LEF1: variants seen among roughly 807,000 people sequenced by gnomAD.
LEF1 encodes the protein lymphoid enhancer-binding factor 1.
Under a neutral mutation model 51.2 loss-of-function variants are expected in LEF1, and 14 were observed. That is an observed-to-expected ratio of 0.27 (90% CI 0.18 to 0.43). The LOEUF is 0.43. Among genes scored for constraint, LEF1 ranks in the 20% least tolerant of loss-of-function variants. LEF1 has a pLI of 1.00. For missense variants in LEF1, 386 were observed against 512.0 expected, an observed-to-expected ratio of 0.75 and a Z score of 2.37; for synonymous variants, 185 against 183.2, an observed-to-expected ratio of 1.01 and a Z score of -0.08.
At chr4:108,111,914 A>C (rs1405977852) in intron 3 of LEF1, among the ~76,000 whole-genome samples, 6 of 152,196 alleles carry the variant, frequency 3.9e-5, no homozygotes, top group Admixed American at 3.9e-4. Context: ...TCAGGTTAAA[A>C]AGTAAAAGTA....
chr4:108,081,538 G>A (rs368011406), intron 6 of LEF1, 48 bp downstream of exon 6: 94 of 1,483,284 alleles, frequency 6.3e-5, no homozygotes, highest in Admixed American at 2.0e-4. Flanking sequence ...ATGCAAGCAC[G>A]AGAAGAGCAA....
intron 8 of LEF1, among the ~76,000 whole-genome samples, chr4:108,076,393 G>C (rs912248639): frequency 6.6e-6 from 1 of 152,138 alleles, no homozygotes; most frequent in Non-Finnish European, 1.5e-5. Context: ...TTTTGAGACA[G>C]AGTCTCTTTC....
chr4:108,073,080 T>G (rs1396279716), intron 8 of LEF1, among the ~76,000 whole-genome samples: 1 of 152,142 alleles, frequency 6.6e-6, no homozygotes, highest in East Asian at 1.9e-4. Flanking sequence ...ATCCTTGATT[T>G]TGTAAAAGAA....
chr4:108,142,290 T>C (rs1047831075), intron 3 of LEF1, among the ~76,000 whole-genome samples: 3 of 152,174 alleles, frequency 2.0e-5, no homozygotes, highest in Non-Finnish European at 4.4e-5. Flanking sequence ...ATTTGGGAAG[T>C]TGTAAATGCA....
At chr4:108,127,645 T>G (rs1742629514) in intron 3 of LEF1, among the ~76,000 whole-genome samples, 1 of 152,190 alleles carries the variant, frequency 6.6e-6, no homozygotes, top group Non-Finnish European at 1.5e-5. Context: ...TTTGGCAGAG[T>G]ATCTAGCCAT....
At chr4:108,088,565 T>C (rs527840889) in intron 4 of LEF1, among the ~76,000 whole-genome samples, 80 of 152,288 alleles carry the variant, frequency 5.3e-4, no homozygotes, top group African/African-American at 1.9e-3. Flanking sequence ...ATTTTTTCTA[T>C]AAACAAAGTA....
At chr4:108,082,596 T>C (rs3796999) in intron 5 of LEF1, among the ~76,000 whole-genome samples, 69,633 of 151,914 alleles carry the variant, frequency 0.46, 17,906 homozygotes, top group Middle Eastern at 0.68. Flanking sequence ...TTGAGAATTA[T>C]TTCTATGGAG....
intron 6 of LEF1, among the ~76,000 whole-genome samples, chr4:108,080,831 C>T (rs1381043582): frequency 6.6e-6 from 1 of 152,194 alleles, no homozygotes; most frequent in Non-Finnish European, 1.5e-5. Context: ...TAATAACCCA[C>T]CAGTTTGACT....
chr4:108,108,437 C>T (rs186944012), intron 3 of LEF1, among the ~76,000 whole-genome samples: 6 of 152,044 alleles, frequency 3.9e-5, no homozygotes, highest in South Asian at 2.1e-4. Flanking sequence ...AGAGATGCAG[C>T]GCTAATAATA....
At chr4:108,160,202 C>A (rs1426184019) in intron 3 of LEF1, among the ~76,000 whole-genome samples, 1 of 152,208 alleles carries the variant, frequency 6.6e-6, no homozygotes, top group Non-Finnish European at 1.5e-5. Flanking sequence ...GCCAAGCTCA[C>A]CATTCACACG....
At chr4:108,080,718 T>C (rs902519023) in intron 6 of LEF1, among the ~76,000 whole-genome samples, 1 of 152,156 alleles carries the variant, frequency 6.6e-6, no homozygotes, top group African/African-American at 2.4e-5. Flanking sequence ...CACAATCAGC[T>C]ACATTTACAA....
At chr4:108,067,608 C>T (rs1022126929) in intron 9 of LEF1, among the ~76,000 whole-genome samples, 1 of 151,534 alleles carries the variant, frequency 6.6e-6, no homozygotes, top group Non-Finnish European at 1.5e-5. Flanking sequence ...GGGCTCATTG[C>T]AACCTCTTCC....
chr4:108,112,138 G>T (rs1442997901), intron 3 of LEF1, among the ~76,000 whole-genome samples: 1 of 152,162 alleles, frequency 6.6e-6, no homozygotes, highest in Non-Finnish European at 1.5e-5. Context: ...TAGGATGTTG[G>T]GAGGTCAGGC....
intron 3 of LEF1, among the ~76,000 whole-genome samples, chr4:108,145,601 T>C (rs1743950046): frequency 6.6e-6 from 1 of 152,200 alleles, no homozygotes; most frequent in Admixed American, 6.5e-5. Flanking sequence ...CTCACTGTAC[T>C]GATCTAACCT....
chr4:108,166,555 A>T, intron 1 of LEF1: 1 of 1,251,536 alleles, frequency 8.0e-7, no homozygotes, highest in South Asian at 1.9e-5. Context: ...TCCGCCCCCT[A>T]GACCAGCTCT....
At position 108,160,173 on chromosome 4, in the gene LEF1, T is replaced by G. The variant is rs573326809; in HGVS notation, c.414+3395A>C. 7.9e-5 allele frequency among the ~76,000 whole-genome samples: 12 copies of G among 152,330 alleles called. No homozygotes were observed. In the South Asian group the frequency reaches 2.3e-3, roughly 29 times the overall value. Reference sequence around the variant, plus strand: ...CACAGTGCATTAGGCCAGTGGGAACTTTCACTACATTAAAGCTGGCCAAGC... The same window carrying G: ...CACAGTGCATTAGGCCAGTGGGAACGTTCACTACATTAAAGCTGGCCAAGC... On this transcript the variant is annotated intron_variant, in intron 3 of 11. Coordinates refer to ENST00000265165, the MANE Select transcript of LEF1 (RefSeq NM_016269.5).
rs577235803 is a variant in LEF1, at chr4:108,121,222, T to A, written c.415-31965A>T. 7.9e-5 allele frequency among the ~76,000 whole-genome samples: 12 copies of A among 152,358 alleles called. No homozygotes were observed. In the South Asian group the frequency reaches 2.3e-3, roughly 29 times the overall value. ...TGATGAATATAGTAACTAAAGAACT[T>A]CTACTACAGTTGGTGCCAGGCCATG... On this transcript the variant is annotated intron_variant, in intron 3 of 11. Transcript: ENST00000265165.
intron 11 of LEF1, among the ~76,000 whole-genome samples, chr4:108,051,689 T>C (rs1459214713): frequency 6.6e-6 from 1 of 152,176 alleles, no homozygotes; most frequent in East Asian, 1.9e-4. Context: ...CACGCATTTG[T>C]ACTGGGGATG....
chr4:108,058,325 T>G (rs1212390323), intron 11 of LEF1, among the ~76,000 whole-genome samples: 1 of 152,240 alleles, frequency 6.6e-6, no homozygotes, highest in Non-Finnish European at 1.5e-5. Context: ...AAGTAAATAT[T>G]AATAAGCCAA....
Sources: allele counts gnomAD v4.1 joint callset (sites outside exome capture counted in the v4.1 genomes callset), GRCh38; gene constraint gnomAD v4.1.1; transcripts MANE v1.5; gene names NCBI Gene and HGNC (gene_info 2026-07-23, HGNC 2026-07-21).